RGS7: variants seen among roughly 807,000 people sequenced by gnomAD.
RGS7 encodes regulator of G protein signaling 7, also known as regulator of G-protein signaling 7.
Under a neutral mutation model 81.1 loss-of-function variants are expected in RGS7, and 27 were observed. The observed-to-expected ratio is 0.33, with a 90% confidence interval of 0.25 to 0.46. RGS7 has a LOEUF of 0.46. Among genes scored for constraint, RGS7 ranks in the 20% least tolerant of loss-of-function variants. The pLI is 1.00. For synonymous variants in RGS7, 208 were observed against 207.7 expected, an observed-to-expected ratio of 1.00 and a Z score of -0.01; for missense variants, 396 against 607.4, an observed-to-expected ratio of 0.65 and a Z score of 3.66.
intron 2 of RGS7, among the ~76,000 whole-genome samples, chr1:241,274,502 G>A (rs987423804): frequency 3.9e-5 from 6 of 152,108 alleles, no homozygotes; most frequent in South Asian, 2.1e-4. Flanking sequence ...TATTTATTAC[G>A]ATCTTATAAC....
At chr1:241,244,606 G>C (rs973473077) in intron 2 of RGS7, among the ~76,000 whole-genome samples, 1 of 152,058 alleles carries the variant, frequency 6.6e-6, no homozygotes, top group African/African-American at 2.4e-5. Context: ...CCATTACTGG[G>C]TATATACGCA....
intron 3 of RGS7, among the ~76,000 whole-genome samples, chr1:241,016,150 T>C (rs1054772097): frequency 2.0e-5 from 3 of 152,132 alleles, no homozygotes; most frequent in African/African-American, 7.2e-5. Flanking sequence ...TGGGATAACA[T>C]GGATGTGAAA....
At chr1:241,071,596 G>A (rs2062447426) in intron 3 of RGS7, among the ~76,000 whole-genome samples, 1 of 151,102 alleles carries the variant, frequency 6.6e-6, no homozygotes, top group East Asian at 1.9e-4. Context: ...GATGAAGTCA[G>A]CTCTGCTTAT....
intron 2 of RGS7, among the ~76,000 whole-genome samples, chr1:241,109,874 C>T (rs937907893): frequency 1.3e-5 from 2 of 152,006 alleles, no homozygotes; most frequent in Non-Finnish European, 1.5e-5. Flanking sequence ...AGGAGAATCG[C>T]TTGAACCCAG....
At chr1:240,928,008 T>C (rs545194606) in intron 6 of RGS7, among the ~76,000 whole-genome samples, 13 of 152,270 alleles carry the variant, frequency 8.5e-5, no homozygotes, top group East Asian at 7.7e-4. Context: ...AGGTGTCTAG[T>C]TGATGATTTA....
In RGS7 at chr1:241,345,779, A is replaced by T. The variant is rs544989681; in HGVS notation, c.78+9920T>A. On this transcript the variant is annotated intron_variant, in intron 2 of 18. Coordinates refer to ENST00000440928, the MANE Select transcript of RGS7 (RefSeq NM_001364886.1). ...GCACCTGTAATCCCAGCACTTTGGG[A>T]GGCCGAGGTGGGTGGATCACAAGGC... Among the ~76,000 whole-genome samples the T allele has an allele frequency of 5.1e-4, 78 of 152,274 alleles. 3 individuals are homozygous for T. In the South Asian group the frequency reaches 0.016, roughly 31 times the overall value.
chr1:241,131,420 A>C (rs1229813796), intron 2 of RGS7, among the ~76,000 whole-genome samples: 1 of 152,180 alleles, frequency 6.6e-6, no homozygotes, highest in Non-Finnish European at 1.5e-5. Context: ...CAGAGTTGCC[A>C]AGTCAGTGGG....
chr1:241,118,233 G>A (rs911295774), intron 2 of RGS7, among the ~76,000 whole-genome samples: 2 of 152,102 alleles, frequency 1.3e-5, no homozygotes, highest in African/African-American at 4.8e-5. Context: ...ATAAACATAC[G>A]CAAGAAGTTT....
At chr1:241,155,894 G>C (rs116032195) in intron 2 of RGS7, among the ~76,000 whole-genome samples, 1 of 152,072 alleles carries the variant, frequency 6.6e-6, no homozygotes, top group Non-Finnish European at 1.5e-5. Flanking sequence ...CTTTTGGGTT[G>C]TCTCTTCTCC....
At chr1:241,306,575 C>T (rs949310988) in intron 2 of RGS7, among the ~76,000 whole-genome samples, 3 of 151,934 alleles carry the variant, frequency 2.0e-5, no homozygotes, top group African/African-American at 7.3e-5. Flanking sequence ...TATGTCCACA[C>T]ACGTACAAAC....
chr1:241,047,062 T>C (rs2060972614), intron 3 of RGS7, among the ~76,000 whole-genome samples: 1 of 152,102 alleles, frequency 6.6e-6, no homozygotes, highest in African/African-American at 2.4e-5. Context: ...ATCTATCTAA[T>C]TGCAGGGGGC....
At chr1:241,158,323 T>G (rs2069348916) in intron 2 of RGS7, among the ~76,000 whole-genome samples, 1 of 152,200 alleles carries the variant, frequency 6.6e-6, no homozygotes, top group Admixed American at 6.5e-5. Context: ...ATCACACATT[T>G]GCTTATTGGT....
chr1:241,332,199 T>C lies in RGS7; in HGVS notation c.78+23500A>G, dbSNP rs956233059. On this transcript the variant is annotated intron_variant, in intron 2 of 18. Coordinates refer to ENST00000440928, the MANE Select transcript of RGS7 (RefSeq NM_001364886.1). ...AGTGAAGCATCAGCCAGTTAGGGGC[T>C]GTCTAGAGGAGGCCCACAGGAAGGA... Among the ~76,000 whole-genome samples the C allele has an allele frequency of 3.3e-5, 5 of 152,166 alleles. No homozygotes were observed. In the South Asian group the frequency reaches 8.3e-4, roughly 25 times the overall value.
chr1:241,053,000 C>T (rs956178337), intron 3 of RGS7, among the ~76,000 whole-genome samples: 1 of 152,022 alleles, frequency 6.6e-6, no homozygotes, highest in African/African-American at 2.4e-5. Context: ...TATACTGTTT[C>T]TTCCTAAAGG....
chr1:240,813,360 C>A (rs1406693747), intron 13 of RGS7, among the ~76,000 whole-genome samples: 1 of 152,144 alleles, frequency 6.6e-6, no homozygotes, highest in Admixed American at 6.5e-5. Context: ...GCTGAAGATC[C>A]TAACTCTGAC....
At chr1:240,781,360 C>T (rs556931046) in intron 18 of RGS7, among the ~76,000 whole-genome samples, 2 of 152,220 alleles carry the variant, frequency 1.3e-5, no homozygotes, top group Non-Finnish European at 2.9e-5. Flanking sequence ...AACCCCCGCA[C>T]TTTGGGAGGC....
intron 10 of RGS7, chr1:240,822,862 CT>C (rs368033367): frequency 1.1e-3 from 342 of 320,658 alleles, no homozygotes; most frequent in African/African-American, 7.1e-3. Flanking sequence ...TAATTTTCAG[CT>C]GTAGGAAAAC....
At position 240,816,433 on chromosome 1, in the gene RGS7, A is replaced by T. The variant is rs560688607; in HGVS notation, c.685-18T>A. The stretch of plus-strand genomic sequence containing the variant: ...TAGACAGACTATATTAAAATAAAAA[A>T]TAAACATTTTAGGACAAAATACCGT... On this transcript the variant is annotated intron_variant, in intron 10 of 18. Coordinates refer to ENST00000440928, the MANE Select transcript of RGS7 (RefSeq NM_001364886.1). The T allele has an allele frequency of 8.0e-6, 12 of 1,506,404 alleles. No individual in the cohort carries two copies. The African/African-American group carries it at 8.2e-5, about 10-fold the overall frequency. The allele number at this position is 1,506,404 out of a possible 1,614,324, so 93.3% of individuals were successfully genotyped here.
At chr1:241,078,139 T>G (rs1224437379) in intron 3 of RGS7, among the ~76,000 whole-genome samples, 1 of 149,042 alleles carries the variant, frequency 6.7e-6, no homozygotes, top group African/African-American at 2.4e-5. Flanking sequence ...TGTGTATGCA[T>G]CTATGGGCAT....
Sources: allele counts gnomAD v4.1 joint callset (sites outside exome capture counted in the v4.1 genomes callset), GRCh38; gene constraint gnomAD v4.1.1; transcripts MANE v1.5; gene names NCBI Gene and HGNC (gene_info 2026-07-23, HGNC 2026-07-21).